Variants in NRG1 observed in about 807,000 individuals in gnomAD.
NRG1 encodes the protein neuregulin 1.
NRG1 carries 18 observed loss-of-function variants against 63.8 expected under a neutral mutation model. That is an observed-to-expected ratio of 0.28 (90% confidence interval 0.19 to 0.42). The LOEUF (loss-of-function observed/expected upper bound fraction) is 0.42, where lower values mean the gene tolerates loss of function less well. Ranked by LOEUF, NRG1 falls within the 10% of genes least tolerant of loss-of-function variation. The pLI is 1.00. For missense variants in NRG1, 762 were observed against 814.7 expected (o/e 0.94, Z 0.79); for synonymous variants, 302 against 301.3 (o/e 1.00, Z -0.02).
chr8:32,650,136 A>G (rs1053613794), intron 5 of NRG1, among the ~76,000 whole-genome samples: 17 of 152,210 alleles, frequency 1.1e-4, no homozygotes, highest in African/African-American at 4.1e-4. Flanking sequence ...GTCAGAAAGT[A>G]TGTTGTGAAG....
rs78497706 is a variant in NRG1 at position 32,196,249 on chromosome 8, C to T, written c.38-399579C>T. Reference sequence around the variant, plus strand: ...TTGCTTTGGCTGTGCTCTAGACAGTCATGATAACAGAGATCCCTGGTCTGG... The same window carrying T: ...TTGCTTTGGCTGTGCTCTAGACAGTTATGATAACAGAGATCCCTGGTCTGG... On this transcript the variant is annotated intron_variant, in intron 1 of 10. Transcript: ENST00000519301. Among the ~76,000 whole-genome samples, 24 of 151,892 alleles carry T rather than the reference C, an allele frequency of 1.6e-4. No individual in the cohort carries two copies. The East Asian group carries it at 4.7e-3, about 30-fold the overall frequency.
chr8:32,162,882 C>A (rs1385361798), intron 1 of NRG1, among the ~76,000 whole-genome samples: 1 of 152,146 alleles, frequency 6.6e-6, no homozygotes, highest in Non-Finnish European at 1.5e-5. Flanking sequence ...AGACTTCATT[C>A]CCATCGAGGG....
intron 1 of NRG1, among the ~76,000 whole-genome samples, chr8:31,786,469 C>G (rs1253358126): frequency 1.3e-5 from 2 of 152,192 alleles, no homozygotes; most frequent in African/African-American, 4.8e-5. Flanking sequence ...CAATGCTACT[C>G]TGACACTGTC....
At chr8:32,282,818 A>T (rs1323690747) in intron 1 of NRG1, among the ~76,000 whole-genome samples, 2 of 152,354 alleles carry the variant, frequency 1.3e-5, no homozygotes, top group Non-Finnish European at 2.9e-5. Flanking sequence ...TAATTCCTAT[A>T]TAAGAATAAT....
chr8:32,283,040 C>G (rs1853068542), intron 1 of NRG1, among the ~76,000 whole-genome samples: 2 of 152,124 alleles, frequency 1.3e-5, no homozygotes, highest in South Asian at 4.2e-4. Context: ...AGAATTGAGT[C>G]CTTAGAAGAA....
At chr8:31,741,451 C>T (rs987454270) in intron 1 of NRG1, among the ~76,000 whole-genome samples, 5 of 149,870 alleles carry the variant, frequency 3.3e-5, no homozygotes, top group Non-Finnish European at 5.9e-5. Flanking sequence ...GAAGACAGGC[C>T]GCAAAAAAAG....
intron 1 of NRG1, among the ~76,000 whole-genome samples, chr8:32,020,063 A>G (rs987211695): frequency 2.6e-5 from 4 of 152,142 alleles, no homozygotes; most frequent in African/African-American, 9.7e-5. Context: ...TTTGAATGCT[A>G]TTGCATTAAA....
chr8:32,131,662 G>C (rs563290514), intron 1 of NRG1, among the ~76,000 whole-genome samples: 120 of 151,994 alleles, frequency 7.9e-4, no homozygotes, highest in Non-Finnish European at 1.4e-3. Context: ...GTAAATTAAA[G>C]GTGTGTGCCA....
chr8:31,881,693 G>A lies in NRG1; in HGVS notation c.37+242262G>A, dbSNP rs572081611. On this transcript the variant is annotated intron_variant, in intron 1 of 10. Coordinates refer to the NRG1 transcript ENST00000519301. ...CTTGAAGAAAACTAGAACTACTTTAGCGAATACACAAATGATAAGATAGTG... is the reference window on the plus strand; with the variant it reads ...CTTGAAGAAAACTAGAACTACTTTAACGAATACACAAATGATAAGATAGTG... 5.1e-4 allele frequency among the ~76,000 whole-genome samples: 77 copies of A among 152,292 alleles called. 1 individual carries two copies. Among genetic ancestry groups the A allele is most frequent in the African/African-American group, 1.6e-3 (67 of 41,578 alleles).
At chr8:31,756,879 T>C (rs959827937) in intron 1 of NRG1, among the ~76,000 whole-genome samples, 1 of 152,168 alleles carries the variant, frequency 6.6e-6, no homozygotes, top group Non-Finnish European at 1.5e-5. Context: ...TCCATTTTGG[T>C]ATCTTAGCAG....
At chr8:32,502,377 C>T (rs1289525459) in intron 1 of NRG1, among the ~76,000 whole-genome samples, 1 of 150,464 alleles carries the variant, frequency 6.6e-6, no homozygotes, top group Non-Finnish European at 1.5e-5. Context: ...TCACCTCCCA[C>T]CAGAGCCCAC....
intron 1 of NRG1, among the ~76,000 whole-genome samples, chr8:32,414,220 T>C (rs1475557452): frequency 2.0e-5 from 3 of 152,166 alleles, no homozygotes; most frequent in Non-Finnish European, 4.4e-5. Context: ...CATTGCTGGC[T>C]CAGTCCACTG....
At position 32,050,623 on chromosome 8, in the gene NRG1, TAAG is replaced by T. The variant is rs547134348; in HGVS notation, c.37+411198_37+411200del. 3.9e-3 allele frequency among the ~76,000 whole-genome samples: 599 copies of T among 152,262 alleles called. 3 individuals are homozygous for T. The highest frequency in any genetic ancestry group is 0.024 in the South Asian group (118 of 4,828). On this transcript the variant is annotated intron_variant, in intron 1 of 10. Coordinates refer to the NRG1 transcript ENST00000519301. ...CAACCATACATAGTGTTCTCTCTGC[TAAG>T]AAGAAAACTGTATACAGACCACATG...
chr8:32,159,536 G>A (rs1271254952), intron 1 of NRG1, among the ~76,000 whole-genome samples: 2 of 124,190 alleles, frequency 1.6e-5, no homozygotes, highest in East Asian at 2.2e-4. Flanking sequence ...GCGAGACTCC[G>A]TCTCAAAAAA....
chr8:32,454,656 G>A (rs536444436), intron 1 of NRG1, among the ~76,000 whole-genome samples: 62 of 137,484 alleles, frequency 4.5e-4, no homozygotes, highest in African/African-American at 1.4e-3. Flanking sequence ...GCCTCCCAAC[G>A]TGCTGAGATT....
chr8:31,653,461 C>T (rs1805106875), intron 1 of NRG1, among the ~76,000 whole-genome samples: 1 of 152,194 alleles, frequency 6.6e-6, no homozygotes, highest in African/African-American at 2.4e-5. Flanking sequence ...ATAAAATCTG[C>T]ACTAACTAAC....
intron 1 of NRG1, among the ~76,000 whole-genome samples, chr8:31,813,374 C>A (rs1823076851): frequency 6.6e-6 from 1 of 152,108 alleles, no homozygotes; most frequent in African/African-American, 2.4e-5. Context: ...AATTGGGTAT[C>A]AGTTGCCTCA....
intron 1 of NRG1, among the ~76,000 whole-genome samples, chr8:32,103,555 T>A (rs1375060306): frequency 6.6e-6 from 1 of 152,164 alleles, no homozygotes; most frequent in East Asian, 1.9e-4. Context: ...TACCCAGCAG[T>A]GGGATTGCTG....
chr8:32,772,041 G>GTGTA (rs1831853543), downstream of NRG1, among the ~76,000 whole-genome samples: 3 of 10,554 alleles, frequency 2.8e-4, no homozygotes, highest in Non-Finnish European at 7.2e-4. Context: ...AAAAAAATAT[G>GTGTA]TATATATATA....
Sources: gnomAD v4.1 joint callset for allele counts (sites outside exome capture counted in the v4.1 genomes callset) on GRCh38, gnomAD v4.1.1 for gene constraint, MANE v1.5 for transcripts, NCBI Gene and HGNC (gene_info 2026-07-23, HGNC 2026-07-21) for gene names.